The following EPS8L1 variants were observed in gnomAD, a reference collection of about 807,000 sequenced individuals.
The protein encoded by EPS8L1 is epidermal growth factor receptor kinase substrate 8-like protein 1.
A neutral mutation model predicts 91.7 loss-of-function variants in EPS8L1; 101 were observed. That is an observed-to-expected ratio of 1.10 (90% confidence interval 0.94 to 1.30). The LOEUF is 1.30. EPS8L1 is among the 50% of genes most tolerant of loss of function. The pLI is 0.00. For missense variants in EPS8L1, 1,114 were observed against 1,017.0 expected (o/e 1.10, Z -1.30); for synonymous variants, 506 against 445.3 (o/e 1.14, Z -1.72).
In EPS8L1 at chr19:55,081,392, G is replaced by A. The variant is rs1276882671; in HGVS notation, c.674G>A (p.Arg225Lys). The change falls in exon 8 of 20, where the codon AGG (arginine) becomes AAG (lysine). Residue 225 changes from arginine (R) to lysine (K), a missense_variant. Coordinates refer to ENST00000201647, the MANE Select transcript of EPS8L1 (RefSeq NM_133180.3). This position sits in a 1 kb window ranked among gnomAD's most constrained non-coding sequence, Gnocchi z 4.9. ...KPIPEAEEAQ[R>K]PEPVGTSSNA... ...ATTCCCGAGGCAGAGGAGGCGCAGA[G>A]GCCTGAGCCGGTGGGGACCTCGAGC... 1 of 1,585,614 alleles carries A rather than the reference G, an allele frequency of 6.3e-7. No homozygotes were observed. Among genetic ancestry groups the A allele is most frequent in the East Asian group, 2.3e-5 (1 of 43,594 alleles).
intron 4 of EPS8L1, 107 bp from the exon 5 acceptor site, chr19:55,079,583 G>A: frequency 4.5e-6 from 6 of 1,332,464 alleles, no homozygotes; most frequent in Middle Eastern, 1.9e-4. Context: ...AAGGCTTCCT[G>A]GAGGAGGTGT....
Position 55,081,312 on chromosome 19 carries a change from A to C in EPS8L1, c.594A>C (p.Ala198=). The C allele has an allele frequency of 6.4e-7, 1 of 1,554,018 alleles. No individual in the cohort carries two copies. The highest frequency in any genetic ancestry group is 8.6e-7 in the Non-Finnish European group (1 of 1,156,210). ...TGCAGCGCCGCCCGTCAGTCCGCGC[A>C]GTGATCAGCACCGTAGAGCGGGGCG... ...PPLQRRPSVR[A]VISTVERGAG... The change falls in exon 8 of 20, where the codon GCA becomes GCC. Residue 198 remains alanine (A), a synonymous_variant. Transcript: ENST00000201647. This position sits in a 1 kb window ranked among gnomAD's most constrained non-coding sequence, Gnocchi z 4.9.
rs763489368 is a variant in EPS8L1 at position 55,086,079 on chromosome 19, A to T, written c.1537A>T (p.Lys513Ter). The T allele has an allele frequency of 1.9e-5, 31 of 1,598,042 alleles. No individual in the cohort carries two copies. The highest frequency in any genetic ancestry group is 1.7e-4 in the Middle Eastern group (1 of 5,992). The change falls in exon 16 of 20, where the codon AAG (lysine) becomes TAG (stop). Residue 513 changes from lysine (K) to a stop codon, truncating the protein, a stop_gained. Coordinates refer to ENST00000201647, the MANE Select transcript of EPS8L1 (RefSeq NM_133180.3). LOFTEE classifies it high-confidence loss of function. ...CACCCAGGTCCTGGATGACAGTCGT[A>T]AGTGGTGGAAGGTTCGGGACCCAGC... ...DVLEVLDDSR[K>*]WWKVRDPAGQ...
chr19:55,086,650 C>CCCA, intron 17 of EPS8L1, 64 bp from the exon 18 acceptor site: 1 of 1,516,100 alleles, frequency 6.6e-7, no homozygotes, highest in Non-Finnish European at 8.9e-7. Flanking sequence ...CCCGCCCCGC[C>CCCA]CTCTGGCCCC....
At position 55,080,451 on chromosome 19, in the gene EPS8L1, T is replaced by C. The variant is rs573868405; in HGVS notation, c.429+173T>C. ...TTCTGGAAGGCAGTGGGGTTTGAGA[T>C]TGGACCCAGGGTCAAGATAGAACAT... On this transcript the variant is annotated intron_variant, in intron 6 of 19. Transcript: ENST00000201647. The C allele has an allele frequency of 3.1e-6, 5 of 1,611,580 alleles. No individual in the cohort carries two copies. In the East Asian group the frequency reaches 6.7e-5, roughly 22 times the overall value.
Position 55,082,165 on chromosome 19 carries a change from C to A in EPS8L1, c.975C>A (p.Tyr325Ter). The part of the protein sequence containing the change: ...EYTDVLQKIK[Y>*]AFSLLARLRG... ...CCGACGTGCTGCAGAAGATCAAGTACGCCTTCAGCCTGCTGGTGAGGACGC... is the reference window on the plus strand; with the variant it reads ...CCGACGTGCTGCAGAAGATCAAGTAAGCCTTCAGCCTGCTGGTGAGGACGC... Residue 325 changes from tyrosine (Y) to a stop codon, truncating the protein, a stop_gained, in exon 10 of 20, where the codon TAC (tyrosine) becomes TAA (stop). Transcript: ENST00000201647. LOFTEE classifies it high-confidence loss of function. 1 of 1,600,370 alleles carries A rather than the reference C, an allele frequency of 6.2e-7. No individual in the cohort carries two copies. The highest frequency in any genetic ancestry group is 8.5e-7 in the Non-Finnish European group (1 of 1,174,028).
At chr19:55,080,317 T>A (rs1195348901) in intron 6 of EPS8L1, 39 bp downstream of exon 6, 3 of 1,518,962 alleles carry the variant, frequency 2.0e-6, no homozygotes, top group Non-Finnish European at 2.6e-6. Flanking sequence ...GAGCTGGAAC[T>A]GGGCGGAGCC....
chr19:55,081,781 G>A lies in EPS8L1; in HGVS notation c.783G>A (p.Leu261=). ...VLQAEREVDI[L]NHVFDDVESF... The stretch of plus-strand genomic sequence containing the variant: ...CCTCCTCTGTCCCCTAGGACATCCT[G>A]AACCACGTGTTCGACGACGTAGAGA... Residue 261 remains leucine (L), a synonymous_variant, in exon 9 of 20, where the codon CTG becomes CTA. Transcript: ENST00000201647. This position sits in a 1 kb window ranked among gnomAD's most constrained non-coding sequence, Gnocchi z 4.9. 1 of 1,610,848 alleles carries A rather than the reference G, an allele frequency of 6.2e-7. No individual in the cohort carries two copies. The highest frequency in any genetic ancestry group is 2.2e-5 in the East Asian group (1 of 44,742).
chr19:55,080,933 A>G, intron 7 of EPS8L1, 79 bp downstream of exon 7: 5 of 1,344,874 alleles, frequency 3.7e-6, no homozygotes, highest in Non-Finnish European at 5.1e-6. Context: ...ACCAGCCTGG[A>G]ACAGAACAAG....
At chr19:55,084,087 C>T in intron 14 of EPS8L1, 1 of 296,752 alleles carries the variant, frequency 3.4e-6, no homozygotes, top group Non-Finnish European at 6.4e-6. Flanking sequence ...GAGCCCAAGT[C>T]TGGTGCTTGG....
intron 1 of EPS8L1, 31 bp from the exon 2 acceptor site, chr19:55,076,377 G>C: frequency 6.3e-7 from 1 of 1,597,608 alleles, no homozygotes; most frequent in Non-Finnish European, 8.6e-7. Context: ...GCTCCTACTG[G>C]CCAGGCCTTC....
Position 55,080,650 on chromosome 19 carries a change from T to TC in EPS8L1, c.430-121dup. ...GTTCGGGGCGTGGACGTGCGTGGGT[T>TC]CACAGGTGTGAACGGTAGCCGCACG... On this transcript the variant is annotated intron_variant, in intron 6 of 19. Transcript: ENST00000201647. 3 of 1,564,710 alleles carry TC rather than the reference T, an allele frequency of 1.9e-6. No homozygotes were observed. The South Asian group carries it at 3.5e-5, about 18-fold the overall frequency.
chr19:55,086,495 A>C lies in EPS8L1; in HGVS notation c.1754A>C (p.Asn585Thr). The C allele has an allele frequency of 1.3e-6, 2 of 1,551,408 alleles. No individual in the cohort carries two copies. The highest frequency in any genetic ancestry group is 1.7e-6 in the Non-Finnish European group (2 of 1,146,952). ...RPRWDSCDSLNGLDPSEKEKF... is the reference protein window; with the variant it reads ...RPRWDSCDSLTGLDPSEKEKF... ...CGCTGGGACAGCTGCGATAGCCTCA[A>C]CGGCTTGGACCCCAGCGAGAAGGGT... Residue 585 changes from asparagine to threonine, a missense_variant, in exon 17 of 20, where the codon AAC (asparagine) becomes ACC (threonine). Asn to Thr is a moderately conservative substitution (Grantham distance 65). Coordinates refer to ENST00000201647, the MANE Select transcript of EPS8L1 (RefSeq NM_133180.3).
rs369806627 is a variant in EPS8L1, at chr19:55,081,800, G to A, written c.802G>A (p.Val268Ile). 3.1e-6 allele frequency: 5 copies of A among 1,611,832 alleles called. No homozygotes were observed. Among genetic ancestry groups the A allele is most frequent in the Non-Finnish European group, 4.2e-6 (5 of 1,178,388 alleles). Residue 268 changes from valine (V) to isoleucine (I), a missense_variant, in exon 9 of 20, where the codon GTA becomes ATA. Val to Ile is a conservative substitution (Grantham distance 29). Transcript: ENST00000201647. The surrounding 1 kb of genome is among the most constrained non-coding windows in gnomAD (Gnocchi z 4.9). Reference protein sequence around the residue: ...VDILNHVFDDVESFVSRLQKS... With the variant: ...VDILNHVFDDIESFVSRLQKS... ...CATCCTGAACCACGTGTTCGACGAC[G>A]TAGAGAGCTTTGTATCGAGGCTGCA...
In EPS8L1 at chr19:55,083,577, G is replaced by A. The variant is rs772922401; in HGVS notation, c.1357-39G>A. ...GGAAGTCCGGGGGCGCGGCCGGTCC[G>A]CCTGGCCCCGCCTGACCCGACTGTC... On this transcript the variant is annotated intron_variant, in intron 13 of 19. Coordinates refer to ENST00000201647, the MANE Select transcript of EPS8L1 (RefSeq NM_133180.3). This position sits in a 1 kb window ranked among gnomAD's most constrained non-coding sequence, Gnocchi z 4.7. 9 of 1,591,828 alleles carry A rather than the reference G, an allele frequency of 5.7e-6. 1 individual carries two copies. Among genetic ancestry groups the A allele is most frequent in the East Asian group, 4.5e-5 (2 of 43,978 alleles).
At chr19:55,082,730 T>C in intron 12 of EPS8L1, 128 bp downstream of exon 12, 1 of 879,816 alleles carries the variant, frequency 1.1e-6, no homozygotes. Flanking sequence ...GTGGCTTAGT[T>C]GTGTTGGGGC....
At position 55,087,613 on chromosome 19, in the gene EPS8L1, G is replaced by A; in HGVS notation, c.2171G>A (p.Ter724=). ...VEGEVEMEVI[*] ...GGCGAGGTGGAAATGGAGGTCATTT[G>A]ACCTGCCAGGCGCCCTTCGCAAAGA... is the stretch of plus-strand genomic sequence containing the variant. Residue 724 remains the stop codon, a stop_retained_variant, in exon 20 of 20, where the codon TGA becomes TAA. Transcript: ENST00000201647. 6.2e-7 allele frequency: 1 copy of A among 1,614,114 alleles called. No individual in the cohort carries two copies. Among genetic ancestry groups the A allele is most frequent in the Non-Finnish European group, 8.5e-7 (1 of 1,180,000 alleles).
Position 55,080,166 on chromosome 19 carries a change from G to T in EPS8L1, c.317G>T (p.Arg106Leu). The T allele has an allele frequency of 6.5e-7, 1 of 1,529,106 alleles. No individual in the cohort carries two copies. The highest frequency in any genetic ancestry group is 1.2e-5 in the South Asian group (1 of 82,552). The allele number at this position is 1,529,106 out of a possible 1,614,324, so 94.7% of individuals were successfully genotyped here. A position where few individuals can be genotyped will look rare whatever the true frequency, so the allele number is the denominator to read the frequency against. Residue 106 changes from arginine (R) to leucine (L), a missense_variant, in exon 6 of 20, where the codon CGC becomes CTC. Physicochemically the swap from Arg to Leu is moderately radical, Grantham distance 102. Coordinates refer to ENST00000201647, the MANE Select transcript of EPS8L1 (RefSeq NM_133180.3). The part of the protein sequence containing the change: ...LESYPLGAIV[R>L]CDAVMPPGRS... ...TCGTACCCACTGGGCGCCATCGTGC[G>T]CTGTGACGCGGTGATGCCACCCGGC... is the stretch of plus-strand genomic sequence containing the variant.
At chr19:55,077,999 C>T (rs979085655) in intron 2 of EPS8L1, 89 bp from the exon 3 acceptor site, 52 of 1,005,166 alleles carry the variant, frequency 5.2e-5, no homozygotes, top group East Asian at 1.5e-4. Context: ...CCATTACCTT[C>T]GTCATGAAGC....
Sources: allele counts gnomAD v4.1 joint callset, GRCh38; gene constraint gnomAD v4.1.1; non-coding constraint Gnocchi (gnomAD v3.1); transcripts MANE v1.5; gene names NCBI Gene and HGNC (gene_info 2026-07-23, HGNC 2026-07-21).